Variants in CLVS1 observed in about 807,000 individuals in gnomAD.
CLVS1 encodes the protein clavesin 1.
CLVS1 carries 10 observed loss-of-function variants against 33.1 expected under a neutral mutation model. The observed-to-expected ratio is 0.30, with a 90% CI of 0.19 to 0.51. The LOEUF is 0.51. Ranked by LOEUF, CLVS1 falls within the 20% of genes least tolerant of loss-of-function variation. CLVS1 has a pLI of 0.97. For synonymous variants in CLVS1, 163 were observed against 166.1 expected, an observed-to-expected ratio of 0.98 and a Z score of 0.14; for missense variants, 343 against 433.4, an observed-to-expected ratio of 0.79 and a Z score of 1.85.
At chr8:61,483,237 C>G (rs4452795) in intron 5 of CLVS1, among the ~76,000 whole-genome samples, 86,058 of 151,900 alleles carry the variant, frequency 0.57, 27,929 homozygotes, top group Non-Finnish European at 0.72. Flanking sequence ...CAAATAGATG[C>G]AATAAAAAAT....
chr8:61,496,933 C>T (rs139564781), intron 5 of CLVS1, among the ~76,000 whole-genome samples: 1 of 152,280 alleles, frequency 6.6e-6, no homozygotes, highest in East Asian at 1.9e-4. Context: ...CATCATATGA[C>T]TTCTCAGTCC....
chr8:61,052,145 G>T, the CLVS1 span, among the ~76,000 whole-genome samples: 1 of 152,208 alleles, frequency 6.6e-6, no homozygotes, highest in African/African-American at 2.4e-5. Flanking sequence ...AAGCCACTCC[G>T]TTTAATTCAT....
intron 2 of CLVS1, among the ~76,000 whole-genome samples, chr8:61,367,779 G>A (rs563252644): frequency 1.1e-4 from 17 of 152,276 alleles, no homozygotes; most frequent in Admixed American, 3.3e-4. Context: ...AGACTCTGCC[G>A]AACTCTAAAT....
At chr8:61,163,303 C>T (rs181931264) in intron 2 of CLVS1, among the ~76,000 whole-genome samples, 4 of 152,294 alleles carry the variant, frequency 2.6e-5, no homozygotes, top group African/African-American at 9.6e-5. Context: ...GGGAATGCTT[C>T]TTACCTTGAT....
intron 2 of CLVS1, among the ~76,000 whole-genome samples, chr8:61,273,278 G>C (rs1186693903): frequency 6.6e-6 from 1 of 152,172 alleles, no homozygotes; most frequent in East Asian, 1.9e-4. Flanking sequence ...CCCCTGCTGG[G>C]GGGTGCCTCC....
intron 1 of CLVS1, among the ~76,000 whole-genome samples, chr8:61,060,028 G>A (rs1804556321): frequency 6.6e-6 from 1 of 152,120 alleles, no homozygotes; most frequent in East Asian, 1.9e-4. Context: ...GGTGAGGACA[G>A]TGCCCTGGCG....
At chr8:61,436,169 G>T (rs557520251) in intron 3 of CLVS1, among the ~76,000 whole-genome samples, 12 of 152,196 alleles carry the variant, frequency 7.9e-5, no homozygotes, top group African/African-American at 2.6e-4. Flanking sequence ...AAAAAAGTCA[G>T]CCCTCTCACT....
At chr8:61,184,693 C>G (rs967893830) in intron 2 of CLVS1, among the ~76,000 whole-genome samples, 2 of 152,060 alleles carry the variant, frequency 1.3e-5, no homozygotes, top group Admixed American at 1.3e-4. Context: ...CACCGCCAAA[C>G]AAAAGATGCC....
At chr8:61,402,760 A>G (rs1173301900) in intron 3 of CLVS1, among the ~76,000 whole-genome samples, 1 of 152,210 alleles carries the variant, frequency 6.6e-6, no homozygotes, top group Non-Finnish European at 1.5e-5. Context: ...AACTTAATCT[A>G]TAACTTATTA....
chr8:61,391,630 T>G (rs1169959233), intron 3 of CLVS1, among the ~76,000 whole-genome samples: 1 of 152,226 alleles, frequency 6.6e-6, no homozygotes, highest in Non-Finnish European at 1.5e-5. Flanking sequence ...AAGATTAAGC[T>G]AATGCCAGCT....
chr8:61,452,979 T>G (rs1012324309), intron 3 of CLVS1, among the ~76,000 whole-genome samples: 2 of 151,316 alleles, frequency 1.3e-5, no homozygotes, highest in Admixed American at 1.3e-4. Context: ...TCCTTGTTAC[T>G]AAAAACGACC....
chr8:61,043,961 C>G, the CLVS1 span, among the ~76,000 whole-genome samples: 1 of 152,176 alleles, frequency 6.6e-6, no homozygotes, highest in African/African-American at 2.4e-5. Flanking sequence ...TTTGCAGCCA[C>G]TTCTACTCAG....
intron 2 of CLVS1, among the ~76,000 whole-genome samples, chr8:61,217,611 A>G (rs1808118067): frequency 6.6e-6 from 1 of 152,188 alleles, no homozygotes. Context: ...TTCATGATTA[A>G]GACCTCAAAA....
chr8:61,362,250 G>C (rs1384179611), intron 2 of CLVS1, among the ~76,000 whole-genome samples: 2 of 152,202 alleles, frequency 1.3e-5, no homozygotes, highest in Non-Finnish European at 2.9e-5. Context: ...CCTGAAAGAT[G>C]AGAAAGAGTC....
At chr8:61,217,313 G>T (rs1246477149) in intron 2 of CLVS1, among the ~76,000 whole-genome samples, 2 of 152,168 alleles carry the variant, frequency 1.3e-5, no homozygotes, top group Non-Finnish European at 2.9e-5. Flanking sequence ...AATGAAAGGG[G>T]CTATAGTGCA....
intron 2 of CLVS1, chr8:61,131,967 C>A (rs1403883567): frequency 6.6e-6 from 1 of 152,206 alleles, no homozygotes; most frequent in Non-Finnish European, 1.5e-5. Flanking sequence ...ACTCAGGAGA[C>A]CTGTGGGTAT....
chr8:61,092,527 G>T (rs1444422168), intron 1 of CLVS1, among the ~76,000 whole-genome samples: 2 of 152,208 alleles, frequency 1.3e-5, no homozygotes, highest in African/African-American at 4.8e-5. Flanking sequence ...AAATCTAGGT[G>T]TTTGCAAAGT....
chr8:61,236,285 C>T (rs773340679), intron 2 of CLVS1, among the ~76,000 whole-genome samples: 6 of 152,094 alleles, frequency 3.9e-5, no homozygotes, highest in Non-Finnish European at 7.4e-5. Flanking sequence ...GGTATGAGAC[C>T]GATATTTACA....
chr8:61,192,917 T>A (rs1217940066), intron 2 of CLVS1, among the ~76,000 whole-genome samples: 1 of 152,224 alleles, frequency 6.6e-6, no homozygotes, highest in Non-Finnish European at 1.5e-5. Context: ...TTTACACTGT[T>A]GGTGGAACTG....
Sources: gnomAD v4.1 joint callset for allele counts (sites outside exome capture counted in the v4.1 genomes callset) on GRCh38, gnomAD v4.1.1 for gene constraint, MANE v1.5 for transcripts, NCBI Gene and HGNC (gene_info 2026-07-23, HGNC 2026-07-21) for gene names.